Variants in TOP6BL observed in about 807,000 individuals in gnomAD.
The protein encoded by TOP6BL is TOP6B like initiator of meiotic double strand breaks.
At chr11:66,786,398 G>A in the TOP6BL span, among the ~76,000 whole-genome samples, 1 of 152,066 alleles carries the variant, frequency 6.6e-6, no homozygotes, top group Non-Finnish European at 1.5e-5. Context: ...TGAACAGGAA[G>A]ATGAGATTTC....
chr11:66,761,533 C>A, the TOP6BL span: 24 of 971,256 alleles, frequency 2.5e-5, no homozygotes, highest in Admixed American at 6.5e-4. Context: ...GTTCACTGGC[C>A]AAAGCCTGCC....
chr11:66,752,871 A>G, the TOP6BL span, among the ~76,000 whole-genome samples: 5 of 152,240 alleles, frequency 3.3e-5, no homozygotes, highest in African/African-American at 4.8e-5. Flanking sequence ...GCTCACGCCT[A>G]TAATGCTAGC....
chr11:66,843,398 A>G, the TOP6BL span: 30 of 1,426,922 alleles, frequency 2.1e-5, no homozygotes, highest in Admixed American at 3.0e-5. Context: ...CCGCGGCCTG[A>G]CGTCACCCAC....
the TOP6BL span, among the ~76,000 whole-genome samples, chr11:66,771,007 A>G: frequency 6.6e-6 from 1 of 152,044 alleles, no homozygotes; most frequent in Non-Finnish European, 1.5e-5. Flanking sequence ...GAGAATTTCT[A>G]ACTTCTTGGG....
the TOP6BL span, among the ~76,000 whole-genome samples, chr11:66,768,668 G>GT: frequency 0.011 from 1,276 of 115,310 alleles, 7 homozygotes; most frequent in Non-Finnish European, 0.013. Context: ...TTTGTTTTTT[G>GT]TTTTTTTTTT....
chr11:66,800,669 A>G, the TOP6BL span: 1 of 1,606,494 alleles, frequency 6.2e-7, no homozygotes, highest in Non-Finnish European at 8.5e-7. Context: ...GTAAAGGTAA[A>G]TGGAATCCTC....
chr11:66,824,591 C>T, the TOP6BL span, among the ~76,000 whole-genome samples: 1 of 134,644 alleles, frequency 7.4e-6, no homozygotes. Flanking sequence ...TGCTATCCTT[C>T]CCCCCTCCCC....
At chr11:66,761,589 C>CA in the TOP6BL span, 1 of 1,175,194 alleles carries the variant, frequency 8.5e-7, no homozygotes, top group Non-Finnish European at 1.2e-6. Context: ...TGGCTCTTGA[C>CA]AAAACTTTTG....
the TOP6BL span, among the ~76,000 whole-genome samples, chr11:66,757,269 G>A: frequency 1.3e-5 from 2 of 152,086 alleles, no homozygotes; most frequent in African/African-American, 2.4e-5. Context: ...CATGAACCTG[G>A]GATGTGGAGG....
chr11:66,838,980 C>T, the TOP6BL span, among the ~76,000 whole-genome samples: 1 of 152,236 alleles, frequency 6.6e-6, no homozygotes, highest in East Asian at 1.9e-4. Context: ...ATCCGCCTGC[C>T]TTGGCCTCCC....
At chr11:66,752,903 C>T in the TOP6BL span, among the ~76,000 whole-genome samples, 1 of 152,006 alleles carries the variant, frequency 6.6e-6, no homozygotes, top group Admixed American at 6.6e-5. Context: ...GTGAGGCCAG[C>T]GGATTGCCTG....
At chr11:66,843,448 AG>A in the TOP6BL span, 1 of 1,399,834 alleles carries the variant, frequency 7.1e-7, no homozygotes, top group Admixed American at 3.7e-5. Context: ...GCCGCGGGTC[AG>A]GGCGCAATGG....
chr11:66,779,315 A>G, the TOP6BL span, among the ~76,000 whole-genome samples: 2 of 152,254 alleles, frequency 1.3e-5, no homozygotes, highest in East Asian at 3.8e-4. Context: ...ACAAATTTAC[A>G]AGAAAAAAAC....
At chr11:66,778,177 C>T in the TOP6BL span, among the ~76,000 whole-genome samples, 2 of 151,094 alleles carry the variant, frequency 1.3e-5, no homozygotes, top group Non-Finnish European at 2.9e-5. Context: ...GCTGGGATTA[C>T]AGACTTGAGC....
chr11:66,830,389 G>C, the TOP6BL span, among the ~76,000 whole-genome samples: 1 of 152,130 alleles, frequency 6.6e-6, no homozygotes, highest in Admixed American at 6.5e-5. Context: ...CAAAATTTGT[G>C]AGATGTAGCT....
At chr11:66,832,012 A>AC in the TOP6BL span, among the ~76,000 whole-genome samples, 28 of 150,244 alleles carry the variant, frequency 1.9e-4, no homozygotes, top group South Asian at 2.1e-4. Context: ...AAAAAAAAAA[A>AC]AAAACAAAAA....
the TOP6BL span, among the ~76,000 whole-genome samples, chr11:66,769,678 G>A: frequency 6.6e-6 from 1 of 151,928 alleles, no homozygotes; most frequent in African/African-American, 2.4e-5. Flanking sequence ...ATTAGATCAT[G>A]AGGGTTGGGC....
At chr11:66,760,553 C>T in the TOP6BL span, among the ~76,000 whole-genome samples, 1 of 133,718 alleles carries the variant, frequency 7.5e-6, no homozygotes, top group Non-Finnish European at 1.5e-5. Context: ...CCAAGGCAGG[C>T]GGATTGCTTG....
At chr11:66,767,460 A>G in the TOP6BL span, among the ~76,000 whole-genome samples, 1 of 152,198 alleles carries the variant, frequency 6.6e-6, no homozygotes, top group Non-Finnish European at 1.5e-5. Context: ...ATCCATGTTT[A>G]TAGATCTTTA....
Sources: gnomAD v4.1 joint callset for allele counts (sites outside exome capture counted in the v4.1 genomes callset) on GRCh38, gnomAD v4.1.1 for gene constraint, MANE v1.5 for transcripts, NCBI Gene and HGNC (gene_info 2026-07-23, HGNC 2026-07-21) for gene names.